Variants in ALPL observed in about 807,000 individuals in gnomAD.
ALPL encodes the protein alkaline phosphatase, tissue-nonspecific isozyme.
A neutral mutation model predicts 51.3 loss-of-function variants in ALPL; 42 were observed. The ratio of observed to expected loss-of-function variants is 0.82; its 90% CI spans 0.64 to 1.06. ALPL has a LOEUF of 1.06. Ranked by LOEUF, ALPL falls within the 50% of genes least tolerant of loss-of-function variation. ALPL has a pLI of 0.00. For synonymous variants in ALPL, 279 were observed against 296.4 expected, an observed-to-expected ratio of 0.94 and a Z score of 0.60; for missense variants, 589 against 709.4, an observed-to-expected ratio of 0.83 and a Z score of 1.93.
At chr1:21,574,894 G>A (rs1440509407) in intron 9 of ALPL, among the ~76,000 whole-genome samples, 1 of 152,246 alleles carries the variant, frequency 6.6e-6, no homozygotes, top group Non-Finnish European at 1.5e-5. Flanking sequence ...GGGAACAGAG[G>A]GCTGCCTGGC....
At position 21,564,065 on chromosome 1, in the gene ALPL, C is replaced by A. The variant is rs1176474582; in HGVS notation, c.497C>A (p.Thr166Asn). 1 of 1,614,012 alleles carries A rather than the reference C, an allele frequency of 6.2e-7. No individual in the cohort carries two copies. Among genetic ancestry groups the A allele is most frequent in the Non-Finnish European group, 8.5e-7 (1 of 1,180,000 alleles). ...DAGKSVGIVT[T>N]TRVNHATPSA... ...GGGAAATCTGTGGGCATTGTGACCACCACGAGAGTGAACCATGCCACCCCC... is the reference window on the plus strand; with the variant it reads ...GGGAAATCTGTGGGCATTGTGACCAACACGAGAGTGAACCATGCCACCCCC... The change falls in exon 6 of 12, where the codon ACC (threonine) becomes AAC (asparagine). Residue 166 changes from threonine to asparagine, a missense_variant. Physicochemically the swap from Thr to Asn is moderately conservative, Grantham distance 65. Transcript: ENST00000374840. This position sits in a 1 kb window ranked among gnomAD's most constrained non-coding sequence, Gnocchi z 5.8.
At chr1:21,528,798 C>G (rs899302728) in intron 1 of ALPL, among the ~76,000 whole-genome samples, 1 of 151,190 alleles carries the variant, frequency 6.6e-6, no homozygotes, top group South Asian at 2.1e-4. Flanking sequence ...GGCCGGGCGT[C>G]GTGGCTCATA....
At position 21,554,140 on chromosome 1, in the gene ALPL, C is replaced by CA; in HGVS notation, c.60dup (p.Glu21ArgfsTer32). Reference sequence around the variant, plus strand: ...ACCTGCCTTACTAACTCCTTAGTGCCAGGTATGCTTGGGGACACAGGTGGA... The same window carrying CA: ...ACCTGCCTTACTAACTCCTTAGTGCCAAGGTATGCTTGGGGACACAGGTGGA... On this transcript the variant is annotated frameshift_variant and splice_region_variant, in exon 2 of 12. Transcript: ENST00000374840. LOFTEE classifies it high-confidence loss of function. 6.2e-7 allele frequency: 1 copy of CA among 1,613,620 alleles called. No individual in the cohort carries two copies. Among genetic ancestry groups the CA allele is most frequent in the Non-Finnish European group, 8.5e-7 (1 of 1,179,880 alleles).
intron 1 of ALPL, among the ~76,000 whole-genome samples, chr1:21,523,029 T>G (rs1448958300): frequency 1.3e-5 from 2 of 152,202 alleles, no homozygotes; most frequent in Non-Finnish European, 2.9e-5. Flanking sequence ...CCCCTGCCTG[T>G]AATCCCAGCA....
chr1:21,522,149 A>G (rs923919505), intron 1 of ALPL, among the ~76,000 whole-genome samples: 67 of 148,174 alleles, frequency 4.5e-4, no homozygotes, highest in African/African-American at 1.5e-3. Context: ...TCGGCTCACT[A>G]CAAGCTCCAC....
At position 21,560,658 on chromosome 1, in the gene ALPL, C is replaced by T. The variant is rs1209147330; in HGVS notation, c.94C>T (p.Gln32Ter). The T allele has an allele frequency of 1.2e-6, 2 of 1,614,138 alleles. No individual in the cohort carries two copies. The highest frequency in any genetic ancestry group is 1.7e-6 in the Non-Finnish European group (2 of 1,180,028). ...GAAAGACCCCAAGTACTGGCGAGAC[C>T]AAGCGCAAGAGACACTGAAATATGC... ...KEKDPKYWRD[Q>*]AQETLKYALE... is the part of the protein sequence containing the mutation. Residue 32 changes from glutamine to a stop codon, truncating the protein, a stop_gained, in exon 3 of 12, where the codon CAA becomes TAA. Transcript: ENST00000374840. LOFTEE classifies it high-confidence loss of function.
chr1:21,529,429 A>T (rs971221483), intron 1 of ALPL, among the ~76,000 whole-genome samples: 2 of 151,780 alleles, frequency 1.3e-5, no homozygotes, highest in Admixed American at 6.6e-5. Context: ...TTAAAAAATA[A>T]TTTTTTTTGT....
rs940236303 is a variant in ALPL, at chr1:21,539,515, C to T, written c.-104-14463C>T. 5.3e-5 allele frequency among the ~76,000 whole-genome samples: 8 copies of T among 152,296 alleles called. No homozygotes were observed. The East Asian group carries it at 7.7e-4, about 15-fold the overall frequency. On this transcript the variant is annotated intron_variant, in intron 1 of 11. Coordinates refer to ENST00000374840, the MANE Select transcript of ALPL (RefSeq NM_000478.6). ...GTCCAAGACATTGGCATCCAAGCTGCGCCTTGAACACTGCCTTGCCTTTCC... is the reference window on the plus strand; with the variant it reads ...GTCCAAGACATTGGCATCCAAGCTGTGCCTTGAACACTGCCTTGCCTTTCC...
intron 1 of ALPL, among the ~76,000 whole-genome samples, chr1:21,535,251 T>C (rs1319659184): frequency 6.6e-6 from 1 of 152,022 alleles, no homozygotes; most frequent in African/African-American, 2.4e-5. Context: ...ATGAAAGCAT[T>C]TGGGGTCTGG....
At position 21,573,944 on chromosome 1, in the gene ALPL, G is replaced by A. The variant is rs141515488; in HGVS notation, c.997+145G>A. ...AGGAGAATAGGTTGTGGAAGGAGAC[G>A]GGTGGCACTGTAGACACTCCCAGCC... On this transcript the variant is annotated intron_variant, in intron 9 of 11. Transcript: ENST00000374840. 1,642 of 1,487,050 alleles carry A rather than the reference G, an allele frequency of 1.1e-3. 6 individuals are homozygous for A. The highest frequency in any genetic ancestry group is 9.8e-3 in the Middle Eastern group (55 of 5,596). The allele number at this position is 1,487,050 out of a possible 1,614,324, so 92.1% of individuals were successfully genotyped here.
At chr1:21,556,569 G>A (rs889572070) in intron 2 of ALPL, among the ~76,000 whole-genome samples, 3 of 152,058 alleles carry the variant, frequency 2.0e-5, no homozygotes, top group African/African-American at 4.8e-5. Flanking sequence ...TTGAGCCCAG[G>A]ATTTCAAGAT....
At chr1:21,531,197 G>C (rs531200205) in intron 1 of ALPL, among the ~76,000 whole-genome samples, 1 of 152,180 alleles carries the variant, frequency 6.6e-6, no homozygotes, top group Non-Finnish European at 1.5e-5. Flanking sequence ...GGTCTCAAGT[G>C]ATCCACCCGC....
chr1:21,576,651 C>T lies in ALPL; in HGVS notation c.1309+10C>T. The stretch of plus-strand genomic sequence containing the variant: ...TCCATGGTGGACTATGGTGAGACCT[C>T]CAGGACCCAGGGCTGGGAGGGGACA... On this transcript the variant is annotated intron_variant, in intron 11 of 11. Transcript: ENST00000374840. 6.2e-7 allele frequency: 1 copy of T among 1,613,314 alleles called. No homozygotes were observed. The highest frequency in any genetic ancestry group is 8.5e-7 in the Non-Finnish European group (1 of 1,179,550).
At position 21,515,622 on chromosome 1, in the gene ALPL, C is replaced by G. The variant is rs1394319751; in HGVS notation, c.-105+6105C>G. 9.8e-5 allele frequency among the ~76,000 whole-genome samples: 15 copies of G among 152,328 alleles called. No homozygotes were observed. In the East Asian group the frequency reaches 2.9e-3, roughly 29 times the overall value. On this transcript the variant is annotated intron_variant, in intron 1 of 11. Coordinates refer to ENST00000374840, the MANE Select transcript of ALPL (RefSeq NM_000478.6). Reference sequence around the variant, plus strand: ...CAGGTTGATCTTGAACTCCTGACCTCAGGTGATCCACCCTCCTCGGCCTCG... The same window carrying G: ...CAGGTTGATCTTGAACTCCTGACCTGAGGTGATCCACCCTCCTCGGCCTCG...
intron 2 of ALPL, among the ~76,000 whole-genome samples, chr1:21,560,209 A>C (rs1480718338): frequency 6.6e-6 from 1 of 152,200 alleles, no homozygotes. Context: ...TGCTGGAAGG[A>C]GTTTGTTGAA....
chr1:21,537,684 C>T (rs539299220), intron 1 of ALPL, among the ~76,000 whole-genome samples: 4 of 152,326 alleles, frequency 2.6e-5, no homozygotes, highest in African/African-American at 7.2e-5. Context: ...CCGAGGTTGT[C>T]CTGGCATGTG....
intron 1 of ALPL, among the ~76,000 whole-genome samples, chr1:21,522,845 T>C (rs983212974): frequency 6.6e-5 from 10 of 152,154 alleles, no homozygotes; most frequent in Admixed American, 5.2e-4. Flanking sequence ...TCATAAATCA[T>C]TGTAACAGTA....
At chr1:21,555,339 A>G (rs1393951523) in intron 2 of ALPL, among the ~76,000 whole-genome samples, 1 of 152,182 alleles carries the variant, frequency 6.6e-6, no homozygotes, top group African/African-American at 2.4e-5. Context: ...GTGATTCTTC[A>G]GTTACTTCAG....
intron 8 of ALPL, 114 bp downstream of exon 8, chr1:21,570,488 G>A (rs1328332099): frequency 1.1e-5 from 12 of 1,101,924 alleles, no homozygotes. Flanking sequence ...AGGGGCCTCT[G>A]CTCTTGGGCT....
Sources: gnomAD v4.1 joint callset for allele counts (sites outside exome capture counted in the v4.1 genomes callset) on GRCh38, gnomAD v4.1.1 for gene constraint, Gnocchi (gnomAD v3.1) non-coding constraint, MANE v1.5 for transcripts, NCBI Gene and HGNC (gene_info 2026-07-23, HGNC 2026-07-21) for gene names.